MAST2: variants seen among roughly 807,000 people sequenced by gnomAD.
MAST2 encodes microtubule associated serine/threonine kinase 2.
Under a neutral mutation model 147.4 loss-of-function variants are expected in MAST2, and 70 were observed. The ratio of observed to expected loss-of-function variants is 0.47; its 90% CI spans 0.39 to 0.58. MAST2 has a LOEUF of 0.58. MAST2 is among the 20% of genes least tolerant of loss of function. The pLI is 0.00. For missense variants in MAST2, 2,080 were observed against 2,302.3 expected (o/e 0.90, Z 1.98); for synonymous variants, 869 against 896.8 (o/e 0.97, Z 0.55).
chr1:46,001,857 G>C (rs1338029132), intron 6 of MAST2, among the ~76,000 whole-genome samples: 1 of 152,114 alleles, frequency 6.6e-6, no homozygotes, highest in Non-Finnish European at 1.5e-5. Flanking sequence ...GGATCTTAGT[G>C]TTTTCTCTGT....
chr1:45,921,662 A>G (rs953026203), intron 4 of MAST2, among the ~76,000 whole-genome samples: 9 of 152,194 alleles, frequency 5.9e-5, no homozygotes, highest in Admixed American at 2.6e-4. Context: ...CAGCTGGCAC[A>G]AGGGAACGCG....
intron 5 of MAST2, among the ~76,000 whole-genome samples, chr1:45,969,317 T>C (rs1172988946): frequency 6.6e-6 from 1 of 152,152 alleles, no homozygotes; most frequent in Non-Finnish European, 1.5e-5. Context: ...AGTAATGTAT[T>C]GGTAAGGTGT....
At chr1:45,910,893 A>G (rs1157704594) in intron 4 of MAST2, among the ~76,000 whole-genome samples, 4 of 152,232 alleles carry the variant, frequency 2.6e-5, no homozygotes. Context: ...GGGAAGAAAT[A>G]TGTGGACAAA....
chr1:46,007,528 A>T (rs918296812), intron 8 of MAST2, among the ~76,000 whole-genome samples: 3 of 152,228 alleles, frequency 2.0e-5, no homozygotes. Flanking sequence ...GGTAATGTGC[A>T]GCAGTACAGC....
At chr1:45,873,183 C>T (rs1482493259) in intron 3 of MAST2, among the ~76,000 whole-genome samples, 1 of 143,004 alleles carries the variant, frequency 7.0e-6, no homozygotes, top group Non-Finnish European at 1.5e-5. Flanking sequence ...GCAGTTTCTT[C>T]TTCCTATTTT....
At position 46,032,238 on chromosome 1, in the gene MAST2, CAT is replaced by C; in HGVS notation, c.3249_3250del (p.Ser1084IlefsTer43). 1 of 1,614,214 alleles carries C rather than the reference CAT, an allele frequency of 6.2e-7. No homozygotes were observed. ...TCCCCACATTCTCAGTCGTCCAACC[CAT>C]CATCCCGGGACTCTTCTCCAAGCAG... is the stretch of plus-strand genomic sequence containing the variant. On this transcript the variant is annotated frameshift_variant, in exon 25 of 29. Coordinates refer to ENST00000361297, the MANE Select transcript of MAST2 (RefSeq NM_015112.3). LOFTEE classifies it high-confidence loss of function.
At chr1:45,856,850 G>C (rs780445845) in intron 3 of MAST2, among the ~76,000 whole-genome samples, 4 of 151,994 alleles carry the variant, frequency 2.6e-5, no homozygotes, top group Non-Finnish European at 4.4e-5. Flanking sequence ...GCTGGGCTGA[G>C]CTGGGGAGGA....
chr1:45,854,729 A>C (rs1040425863), intron 3 of MAST2, among the ~76,000 whole-genome samples: 3 of 152,064 alleles, frequency 2.0e-5, no homozygotes, highest in African/African-American at 7.2e-5. Context: ...CCTGTACACC[A>C]AACAGCAGAC....
chr1:45,836,751 T>C (rs1056970726), intron 3 of MAST2, among the ~76,000 whole-genome samples: 3 of 152,240 alleles, frequency 2.0e-5, no homozygotes, highest in South Asian at 4.1e-4. Flanking sequence ...TTGATGACTT[T>C]TGGCAGATGT....
At chr1:45,937,609 G>A (rs918091683) in intron 4 of MAST2, among the ~76,000 whole-genome samples, 4 of 151,772 alleles carry the variant, frequency 2.6e-5, no homozygotes, top group African/African-American at 7.3e-5. Flanking sequence ...AAAATTAGCC[G>A]GGTGTAGTGT....
At chr1:45,935,303 C>G (rs1656023233) in intron 4 of MAST2, among the ~76,000 whole-genome samples, 1 of 152,088 alleles carries the variant, frequency 6.6e-6, no homozygotes, top group Non-Finnish European at 1.5e-5. Flanking sequence ...AGACCTTTGT[C>G]AGATGTATAT....
chr1:45,876,250 A>G (rs1281869914), intron 3 of MAST2, among the ~76,000 whole-genome samples: 2 of 152,236 alleles, frequency 1.3e-5, no homozygotes, highest in African/African-American at 4.8e-5. Flanking sequence ...AAGAATGAGT[A>G]GGAAGTGAGA....
intron 3 of MAST2, among the ~76,000 whole-genome samples, chr1:45,844,744 AT>A (rs1315976339): frequency 6.6e-6 from 1 of 152,186 alleles, no homozygotes; most frequent in Non-Finnish European, 1.5e-5. Flanking sequence ...TTTAAAAGGC[AT>A]TTAAAATAAA....
At chr1:46,001,555 T>C (rs1296414002) in intron 6 of MAST2, among the ~76,000 whole-genome samples, 1 of 152,174 alleles carries the variant, frequency 6.6e-6, no homozygotes, top group Non-Finnish European at 1.5e-5. Context: ...AAAGAGAACA[T>C]CATGTCTGAG....
intron 4 of MAST2, among the ~76,000 whole-genome samples, chr1:45,898,202 A>G (rs1015372678): frequency 3.9e-5 from 6 of 152,188 alleles, no homozygotes; most frequent in Non-Finnish European, 8.8e-5. Flanking sequence ...AGAATTGTGT[A>G]GTCATACTAG....
intron 5 of MAST2, among the ~76,000 whole-genome samples, chr1:45,967,191 A>G (rs529036420): frequency 2.0e-5 from 3 of 151,950 alleles, no homozygotes; most frequent in East Asian, 3.9e-4. Context: ...CTCCTGCCTC[A>G]TCCTCCCGAG....
chr1:45,807,297 G>A (rs1644169720), intron 1 of MAST2, among the ~76,000 whole-genome samples: 1 of 152,056 alleles, frequency 6.6e-6, no homozygotes, highest in African/African-American at 2.4e-5. Context: ...GTTCCTTGAG[G>A]ACATGTCCTC....
intron 5 of MAST2, among the ~76,000 whole-genome samples, chr1:45,985,264 T>G (rs536128991): frequency 4.2e-4 from 64 of 151,716 alleles, no homozygotes; most frequent in African/African-American, 1.5e-3. Flanking sequence ...TGTGTGTGTT[T>G]TTTTTTTTTA....
intron 2 of MAST2, among the ~76,000 whole-genome samples, chr1:45,828,631 A>C (rs1485941900): frequency 1.3e-5 from 2 of 152,214 alleles, no homozygotes; most frequent in East Asian, 3.8e-4. Flanking sequence ...TCATTTATAA[A>C]GTCATTGCAG....
Sources: allele counts gnomAD v4.1 joint callset (sites outside exome capture counted in the v4.1 genomes callset), GRCh38; gene constraint gnomAD v4.1.1; transcripts MANE v1.5; gene names NCBI Gene and HGNC (gene_info 2026-07-23, HGNC 2026-07-21).